ZNF143: variants seen among roughly 807,000 people sequenced by gnomAD.
ZNF143 encodes the protein zinc finger protein 143.
In ZNF143, 49 loss-of-function variants were observed where a neutral mutation model predicts 74.1. That is an observed-to-expected ratio of 0.66 (90% confidence interval 0.53 to 0.84). The LOEUF (loss-of-function observed/expected upper bound fraction) is 0.84, where lower values mean the gene tolerates loss of function less well. Among genes scored for constraint, ZNF143 ranks in the 40% least tolerant of loss-of-function variants. ZNF143 has a pLI of 0.00. For synonymous variants in ZNF143, 304 were observed against 282.8 expected, an observed-to-expected ratio of 1.07 and a Z score of -0.75; for missense variants, 637 against 793.4, an observed-to-expected ratio of 0.80 and a Z score of 2.37.
chr11:9,461,888 A>G (rs1352245486), intron 1 of ZNF143: 3 of 152,232 alleles, frequency 2.0e-5, no homozygotes, highest in Admixed American at 1.3e-4. Context: ...TATTTGTTTA[A>G]AATCAGCGTC....
intron 3 of ZNF143, among the ~76,000 whole-genome samples, chr11:9,473,113 G>A (rs1426023113): frequency 6.6e-6 from 1 of 151,858 alleles, no homozygotes; most frequent in African/African-American, 2.4e-5. Context: ...ATTTGGGGCC[G>A]GGCATGGTGG....
At chr11:9,524,698 C>G (rs1168476675) in intron 14 of ZNF143, among the ~76,000 whole-genome samples, 1 of 152,074 alleles carries the variant, frequency 6.6e-6, no homozygotes, top group Non-Finnish European at 1.5e-5. Flanking sequence ...TGGCTAGATG[C>G]TGCAAGAGGA....
At chr11:9,495,440 C>A (rs1847926324) in intron 8 of ZNF143, among the ~76,000 whole-genome samples, 1 of 152,076 alleles carries the variant, frequency 6.6e-6, no homozygotes, top group Non-Finnish European at 1.5e-5. Context: ...AACTCCATCT[C>A]AATAAATAAA....
At chr11:9,499,309 A>T (rs1848074132) in intron 10 of ZNF143, among the ~76,000 whole-genome samples, 1 of 152,198 alleles carries the variant, frequency 6.6e-6, no homozygotes, top group Admixed American at 6.5e-5. Context: ...AGAACAGTTG[A>T]TTCCCTATCA....
chr11:9,472,488 A>G (rs1263138583), intron 2 of ZNF143, among the ~76,000 whole-genome samples, 189 bp from the exon 3 acceptor site: 1 of 152,048 alleles, frequency 6.6e-6, no homozygotes, highest in Non-Finnish European at 1.5e-5. Flanking sequence ...TTCTGACCTC[A>G]TGATCCACTT....
Position 9,508,834 on chromosome 11 carries a change from G to A in ZNF143, c.1363G>A (p.Glu455Lys). 6.3e-7 allele frequency: 1 copy of A among 1,587,570 alleles called. No individual in the cohort carries two copies. Among genetic ancestry groups the A allele is most frequent in the Non-Finnish European group, 8.6e-7 (1 of 1,166,100 alleles). Reference sequence around the variant, plus strand: ...CGAGGAGGAGCAGGAAGCCTTCTTTGAGCCGCCCCCAGGTGAGAGTTTTGT... The same window carrying A: ...CGAGGAGGAGCAGGAAGCCTTCTTTAAGCCGCCCCCAGGTGAGAGTTTTGT... ...PIEEEQEAFF[E>K]PPPGQGEDVL... Residue 455 changes from glutamate to lysine, a missense_variant, in exon 12 of 16, where the codon GAG becomes AAG. This residue lies in a region of ZNF143 where 344 missense variants were observed against 485.6 expected (regional missense o/e 0.71). Coordinates refer to ENST00000396602, the MANE Select transcript of ZNF143 (RefSeq NM_003442.6).
intron 1 of ZNF143, among the ~76,000 whole-genome samples, chr11:9,466,364 C>T (rs919214077): frequency 6.6e-6 from 1 of 151,364 alleles, no homozygotes; most frequent in Non-Finnish European, 1.5e-5. Flanking sequence ...GATGTGATCT[C>T]GGCTCACTGC....
intron 14 of ZNF143, among the ~76,000 whole-genome samples, chr11:9,520,025 ATTTTTTTT>A (rs954404348): frequency 2.2e-5 from 2 of 91,386 alleles, no homozygotes; most frequent in African/African-American, 4.8e-5. Context: ...GTTTCCACCA[ATTTTTTTT>A]TTTTTTTTTT....
chr11:9,492,539 G>A (rs1162504299), intron 7 of ZNF143, among the ~76,000 whole-genome samples: 2 of 152,110 alleles, frequency 1.3e-5, no homozygotes, highest in Non-Finnish European at 2.9e-5. Context: ...GAGCCACCAC[G>A]CCTGGCACAG....
At chr11:9,492,253 A>G (rs757298431) in intron 7 of ZNF143, among the ~76,000 whole-genome samples, 14 of 151,960 alleles carry the variant, frequency 9.2e-5, no homozygotes, top group Non-Finnish European at 2.1e-4. Flanking sequence ...TGGAATCACA[A>G]GCACATGCCA....
rs1056144209 is a variant in ZNF143 at position 9,504,338 on chromosome 11, T to G, written c.1147+3068T>G. Among the ~76,000 whole-genome samples the G allele has an allele frequency of 3.9e-5, 5 of 127,082 alleles. 1 individual carries two copies. Among genetic ancestry groups the G allele is most frequent in the African/African-American group, 1.3e-4 (5 of 39,404 alleles). The allele number at this position is 127,082 out of a possible 152,430, so 83.4% of individuals were successfully genotyped here. A position where few individuals can be genotyped will look rare whatever the true frequency, so the allele number is the denominator to read the frequency against. ...TCTATTCAAATCCTTTGCCCGTTTT[T>G]AAAATTGGGTTGTGTCTTTATTACT... is the stretch of plus-strand genomic sequence containing the variant. On this transcript the variant is annotated intron_variant, in intron 11 of 15. Transcript: ENST00000396602.
At chr11:9,486,441 TA>T (rs1246617133) in intron 7 of ZNF143, among the ~76,000 whole-genome samples, 10 of 40,498 alleles carry the variant, frequency 2.5e-4, no homozygotes, top group Non-Finnish European at 5.0e-4. Context: ...ATATATATAA[TA>T]TATTATATAT....
chr11:9,494,359 G>A (rs1193672073), intron 7 of ZNF143, among the ~76,000 whole-genome samples: 1 of 152,206 alleles, frequency 6.6e-6, no homozygotes, highest in East Asian at 1.9e-4. Flanking sequence ...AGGCTGGAGT[G>A]CAATGGTACA....
In ZNF143 at chr11:9,497,733, G is replaced by T; in HGVS notation, c.900G>T (p.Ser300=). The change falls in exon 10 of 16, where the codon TCG becomes TCT. Residue 300 remains serine, a synonymous_variant. Coordinates refer to ENST00000396602, the MANE Select transcript of ZNF143 (RefSeq NM_003442.6). Reference sequence around the variant, plus strand: ...CAGGAGAAAAGCCATATCGGTGTTCGGAAGATAATTGTACTAAATCTTTCA... The same window carrying T: ...CAGGAGAAAAGCCATATCGGTGTTCTGAAGATAATTGTACTAAATCTTTCA... ...THTGEKPYRC[S]EDNCTKSFKT... The T allele has an allele frequency of 1.2e-6, 2 of 1,610,434 alleles. No individual in the cohort carries two copies. Among genetic ancestry groups the T allele is most frequent in the Non-Finnish European group, 1.7e-6 (2 of 1,177,166 alleles).
At chr11:9,461,934 T>A (rs1413448336) in intron 1 of ZNF143, 2 of 152,252 alleles carry the variant, frequency 1.3e-5, no homozygotes, top group East Asian at 1.9e-4. Context: ...TCAGCTGATA[T>A]AATCAAGTGA....
intron 2 of ZNF143, 127 bp downstream of exon 2, chr11:9,471,547 T>C (rs1194990635): frequency 3.2e-6 from 2 of 620,772 alleles, no homozygotes; most frequent in East Asian, 3.3e-5. Flanking sequence ...TATGAGGTGT[T>C]TTGGTGTTTT....
Position 9,499,561 on chromosome 11 carries a change from C to T in ZNF143, c.968-1530C>T, listed in dbSNP as rs964933217. On this transcript the variant is annotated intron_variant, in intron 10 of 15. Transcript: ENST00000396602. Reference sequence around the variant, plus strand: ...ACCAAAAGAAAAACAACAAACTAGCCAGTCGTGGTAGCATGTGCCTGTGGT... The same window carrying T: ...ACCAAAAGAAAAACAACAAACTAGCTAGTCGTGGTAGCATGTGCCTGTGGT... Among the ~76,000 whole-genome samples, 5 of 152,162 alleles carry T rather than the reference C, an allele frequency of 3.3e-5. No homozygotes were observed. In the South Asian group the frequency reaches 8.3e-4, roughly 25 times the overall value.
rs545428995 is a variant in ZNF143, at chr11:9,522,873, T to C, written c.1687-2367T>C. Among the ~76,000 whole-genome samples the C allele has an allele frequency of 2.6e-5, 4 of 151,980 alleles. 1 individual carries two copies. Among genetic ancestry groups the C allele is most frequent in the African/African-American group, 9.7e-5 (4 of 41,394 alleles). On this transcript the variant is annotated intron_variant, in intron 14 of 15. Transcript: ENST00000396602. ...TAATTTGTCTTTGACCTGGTTCTCCTCCCTCAGCCTCCCGAGTAGCTGGGA... is the reference window on the plus strand; with the variant it reads ...TAATTTGTCTTTGACCTGGTTCTCCCCCCTCAGCCTCCCGAGTAGCTGGGA...
intron 7 of ZNF143, among the ~76,000 whole-genome samples, chr11:9,493,644 A>G (rs1847861301): frequency 6.6e-6 from 1 of 152,038 alleles, no homozygotes; most frequent in African/African-American, 2.4e-5. Context: ...CTCTGCCTTT[A>G]CCGTTCTGGG....
Sources: allele counts gnomAD v4.1 joint callset (sites outside exome capture counted in the v4.1 genomes callset), GRCh38; gene constraint gnomAD v4.1.1; regional missense constraint gnomAD v4.1.1; transcripts MANE v1.5; gene names NCBI Gene and HGNC (gene_info 2026-07-23, HGNC 2026-07-21).